Variants in LPGAT1 observed in about 807,000 individuals in gnomAD.
The protein encoded by LPGAT1 is lysophosphatidylglycerol acyltransferase 1.
In LPGAT1, 11 loss-of-function variants were observed where a neutral mutation model predicts 47.5. The observed-to-expected ratio is 0.23, with a 90% CI of 0.15 to 0.38. LPGAT1 has a LOEUF of 0.38. Among genes scored for constraint, LPGAT1 ranks in the 10% least tolerant of loss-of-function variants. The pLI is 1.00. For synonymous variants in LPGAT1, 138 were observed against 144.2 expected, an observed-to-expected ratio of 0.96 and a Z score of 0.31; for missense variants, 293 against 439.0, an observed-to-expected ratio of 0.67 and a Z score of 2.97.
chr1:211,766,353 A>G (rs1478721167), intron 6 of LPGAT1, among the ~76,000 whole-genome samples: 1 of 152,154 alleles, frequency 6.6e-6, no homozygotes, highest in African/African-American at 2.4e-5. Flanking sequence ...ATCTCTTTCT[A>G]CATATCTTTA....
At chr1:211,780,380 T>C (rs889665012) in intron 5 of LPGAT1, among the ~76,000 whole-genome samples, 4 of 152,090 alleles carry the variant, frequency 2.6e-5, no homozygotes, top group Non-Finnish European at 5.9e-5. Context: ...CAGCATGGGG[T>C]ACAAAGGTGA....
In LPGAT1 at chr1:211,829,126, G is replaced by C. The variant is rs374276472; in HGVS notation, c.171C>G (p.Ile57Met). ...RVLDSKRFWY[I>M]EGIMYKWLLG... ...AAAGCCATTTATACATGATTCCTTC[G>C]ATATACCAGAACCGCTTACTGTCCA... The change falls in exon 2 of 8, where the codon ATC (isoleucine) becomes ATG (methionine). Residue 57 changes from isoleucine (I) to methionine (M), a missense_variant. Physicochemically the swap from Ile to Met is conservative, Grantham distance 10. Coordinates refer to ENST00000366997, the MANE Select transcript of LPGAT1 (RefSeq NM_014873.3). The C allele has an allele frequency of 1.2e-6, 2 of 1,613,994 alleles. No individual in the cohort carries two copies. Among genetic ancestry groups the C allele is most frequent in the Non-Finnish European group, 1.7e-6 (2 of 1,180,012 alleles).
At chr1:211,769,227 G>GA (rs1658062411) in intron 6 of LPGAT1, among the ~76,000 whole-genome samples, 1 of 152,144 alleles carries the variant, frequency 6.6e-6, no homozygotes, top group Admixed American at 6.5e-5. Flanking sequence ...GGACCAGGAT[G>GA]AAAAGAAGTG....
At chr1:211,784,081 G>A (rs1229671996) in intron 4 of LPGAT1, among the ~76,000 whole-genome samples, 4 of 152,170 alleles carry the variant, frequency 2.6e-5, no homozygotes, top group African/African-American at 9.7e-5. Flanking sequence ...CATTTGGTGG[G>A]AACGAGTATG....
intron 2 of LPGAT1, among the ~76,000 whole-genome samples, chr1:211,812,612 A>G (rs1193181524): frequency 1.3e-5 from 2 of 152,204 alleles, no homozygotes; most frequent in African/African-American, 4.8e-5. Flanking sequence ...GGAACCTGTG[A>G]ATGTTACTTT....
At chr1:211,797,418 T>A (rs1296261850) in intron 2 of LPGAT1, among the ~76,000 whole-genome samples, 4 of 151,818 alleles carry the variant, frequency 2.6e-5, no homozygotes, top group African/African-American at 4.8e-5. Flanking sequence ...ACACCCAGTT[T>A]GGATCAACTT....
chr1:211,815,848 G>A (rs1288303306), intron 2 of LPGAT1, among the ~76,000 whole-genome samples: 10 of 141,462 alleles, frequency 7.1e-5, no homozygotes, highest in South Asian at 2.2e-4. Context: ...GCACAATCTC[G>A]GCTCACTGCA....
intron 6 of LPGAT1, among the ~76,000 whole-genome samples, chr1:211,774,998 T>C (rs1658338296): frequency 6.6e-6 from 1 of 152,180 alleles, no homozygotes. Flanking sequence ...TAACACAGTA[T>C]GAAGGGAGTT....
At chr1:211,827,278 C>A (rs554751919) in intron 2 of LPGAT1, among the ~76,000 whole-genome samples, 1 of 152,244 alleles carries the variant, frequency 6.6e-6, no homozygotes, top group East Asian at 1.9e-4. Context: ...ACATTCCAAG[C>A]AGGTGGCAAA....
rs759467867 is a variant in LPGAT1 at position 211,783,522 on chromosome 1, G to C, written c.454-20C>G. 16 of 1,602,272 alleles carry C rather than the reference G, an allele frequency of 1.0e-5. No individual in the cohort carries two copies. The highest frequency in any genetic ancestry group is 2.2e-5 in the East Asian group (1 of 44,702). On this transcript the variant is annotated intron_variant, in intron 4 of 7. Transcript: ENST00000366997. ...TCTTCCCTAGAAGGTACACACACAC[G>C]TAATAAGTACAGGTATATCCAAAAT... is the stretch of plus-strand genomic sequence containing the variant.
chr1:211,770,318 T>C (rs1409291467), intron 6 of LPGAT1, among the ~76,000 whole-genome samples: 1 of 152,178 alleles, frequency 6.6e-6, no homozygotes, highest in Non-Finnish European at 1.5e-5. Flanking sequence ...CCCTAAAAGC[T>C]CACCAATATT....
intron 2 of LPGAT1, among the ~76,000 whole-genome samples, chr1:211,822,387 C>A (rs1571770135): frequency 6.6e-6 from 1 of 152,254 alleles, no homozygotes; most frequent in East Asian, 1.9e-4. Flanking sequence ...TTACCTACCA[C>A]AGGGATGGAG....
At chr1:211,812,369 A>G (rs1230311908) in intron 2 of LPGAT1, among the ~76,000 whole-genome samples, 3 of 152,228 alleles carry the variant, frequency 2.0e-5, no homozygotes, top group Non-Finnish European at 4.4e-5. Flanking sequence ...AGGATGATTA[A>G]TGTAAGCATA....
chr1:211,775,992 T>C (rs767864065), intron 6 of LPGAT1, among the ~76,000 whole-genome samples: 3 of 151,782 alleles, frequency 2.0e-5, no homozygotes, highest in Admixed American at 6.6e-5. Flanking sequence ...TGTTTTGATT[T>C]GATCCATAAT....
Position 211,787,681 on chromosome 1 carries a change from G to C in LPGAT1, c.404C>G (p.Thr135Arg). 1 of 1,609,520 alleles carries C rather than the reference G, an allele frequency of 6.2e-7. No individual in the cohort carries two copies. Among genetic ancestry groups the C allele is most frequent in the Non-Finnish European group, 8.5e-7 (1 of 1,177,848 alleles). ...AACTAGAGAAACAATTCCAAAGTTT[G>C]TGTACTTAAAAATATGATCCATCAA... ...MWLMDHIFKY[T>R]NFGIVSLVHG... The change falls in exon 4 of 8, where the codon ACA becomes AGA. Residue 135 changes from threonine to arginine, a missense_variant. By Grantham distance (71) the Thr-to-Arg change is moderately conservative. Transcript: ENST00000366997.
intron 2 of LPGAT1, among the ~76,000 whole-genome samples, chr1:211,820,545 A>AC (rs920489691): frequency 1.2e-4 from 18 of 151,850 alleles, no homozygotes; most frequent in African/African-American, 4.1e-4. Context: ...TAAACAAAAA[A>AC]AAAAAATAGA....
At position 211,820,692 on chromosome 1, in the gene LPGAT1, A is replaced by G. The variant is rs575758168; in HGVS notation, c.238+8367T>C. 1.6e-4 allele frequency among the ~76,000 whole-genome samples: 25 copies of G among 152,308 alleles called. 2 individuals are homozygous for G. The South Asian group carries it at 5.0e-3, about 30-fold the overall frequency. On this transcript the variant is annotated intron_variant, in intron 2 of 7. Transcript: ENST00000366997. ...GTTTAAAAGGATTAAAGGAAAAATA[A>G]CAGATATAAAAGACATACAAAAGGA...
chr1:211,749,989 G>A lies in LPGAT1; in HGVS notation c.1023C>T (p.Asn341=), dbSNP rs776970071. 19 of 1,613,930 alleles carry A rather than the reference G, an allele frequency of 1.2e-5. No homozygotes were observed. The highest frequency in any genetic ancestry group is 1.5e-5 in the Non-Finnish European group (18 of 1,179,946). The change falls in exon 8 of 8, where the codon AAC becomes AAT. Residue 341 remains asparagine, a synonymous_variant. Coordinates refer to ENST00000366997, the MANE Select transcript of LPGAT1 (RefSeq NM_014873.3). ...EAVSREMTLS[N]LWIFLIQSFA... ...AAGACTGTATGAGAAATATCCACAA[G>A]TTGCTGAGGGTCATCTCCCTGGAAA... is the stretch of plus-strand genomic sequence containing the variant.
chr1:211,791,609 A>T (rs1391840868), intron 3 of LPGAT1, among the ~76,000 whole-genome samples: 2 of 152,044 alleles, frequency 1.3e-5, no homozygotes, highest in Non-Finnish European at 2.9e-5. Context: ...TTAGCCAGGC[A>T]TGGTACCCGT....
Sources: allele counts gnomAD v4.1 joint callset (sites outside exome capture counted in the v4.1 genomes callset), GRCh38; gene constraint gnomAD v4.1.1; transcripts MANE v1.5; gene names NCBI Gene and HGNC (gene_info 2026-07-23, HGNC 2026-07-21).